The following ATP2A3 variants were observed in gnomAD, a reference collection of about 807,000 sequenced individuals.
The protein encoded by ATP2A3 is sarcoplasmic/endoplasmic reticulum calcium ATPase 3.
ATP2A3 carries 61 observed loss-of-function variants against 106.8 expected under a neutral mutation model. The observed-to-expected ratio is 0.57, with a 90% confidence interval of 0.46 to 0.71. The LOEUF (loss-of-function observed/expected upper bound fraction) is 0.71. Ranked by LOEUF, ATP2A3 falls within the 30% of genes least tolerant of loss-of-function variation. The pLI, the probability that ATP2A3 is intolerant of heterozygous loss-of-function variation, is 0.00. For synonymous variants in ATP2A3, 611 were observed against 609.3 expected (o/e 1.00, Z -0.04); for missense variants, 1,201 against 1,423.5 (o/e 0.84, Z 2.52).
In ATP2A3 at chr17:3,937,457, G is replaced by A; in HGVS notation, c.2280C>T (p.Phe760=). The A allele has an allele frequency of 6.2e-6, 10 of 1,612,910 alleles. No individual in the cohort carries two copies. Among genetic ancestry groups the A allele is most frequent in the Non-Finnish European group, 6.8e-6 (8 of 1,179,154 alleles). Residue 760 remains phenylalanine, a synonymous_variant, in exon 15 of 21, where the codon TTC becomes TTT. Transcript: ENST00000397041. ...CATTGGAGGAGATGAGGTAGCGGATGAATTGCTTCATGTTGCTGTAGATGG... is the reference window on the plus strand; with the variant it reads ...CATTGGAGGAGATGAGGTAGCGGATAAATTGCTTCATGTTGCTGTAGATGG... The part of the protein sequence containing the change: ...GRAIYSNMKQ[F]IRYLISSNVG...
chr17:3,935,272 C>A lies in ATP2A3; in HGVS notation c.2530G>T (p.Val844Leu). ...GCGGCAGCCACTGTGGCCAGGCCTA[C>A]GTACACTGCGGGGAAGGGAGGAGAC... ...FFRYLAIGVY[V>L]GLATVAAATW... Residue 844 changes from valine to leucine, a missense_variant, in exon 17 of 21, where the codon GTA becomes TTA. Val to Leu is a conservative substitution (Grantham distance 32). Around this residue, in one of 2 missense-constraint regions of ATP2A3, gnomAD observed 935 missense variants for 1,176.7 expected, o/e 0.79. Transcript: ENST00000397041. 6.2e-7 allele frequency: 1 copy of A among 1,613,568 alleles called. No individual in the cohort carries two copies. The highest frequency in any genetic ancestry group is 8.5e-7 in the Non-Finnish European group (1 of 1,179,950).
rs950473690 is a variant in ATP2A3 at position 3,953,576 on chromosome 17, G to A, written c.136+117C>T. The A allele has an allele frequency of 1.3e-6, 2 of 1,499,382 alleles. No individual in the cohort carries two copies. The highest frequency in any genetic ancestry group is 9.1e-7 in the Non-Finnish European group (1 of 1,096,968). 92.9% of individuals were successfully genotyped at this position (1,499,382 alleles called of 1,614,324 possible). ...AGGTCGCTGAGAGGCTCAGGTGGGT[G>A]ATCCTGGGGAGCTCAGCAAGGCCTC... On this transcript the variant is annotated intron_variant, in intron 2 of 20. Coordinates refer to ENST00000397041, the MANE Select transcript of ATP2A3 (RefSeq NM_005173.4). This position sits in a 1 kb window ranked among gnomAD's most constrained non-coding sequence, Gnocchi z 5.1.
rs200098007 is a variant in ATP2A3, at chr17:3,930,465, G to A, written c.2611-31C>T. On this transcript the variant is annotated intron_variant, in intron 17 of 20. Transcript: ENST00000397041. The surrounding 1 kb of genome is among the most constrained non-coding windows in gnomAD (Gnocchi z 5.4). ...GGCACCGTGGCAGGTCAGAGAGAGCGGCAGGTCAGGCGAGGGGCTGGTGGG... is the reference window on the plus strand; with the variant it reads ...GGCACCGTGGCAGGTCAGAGAGAGCAGCAGGTCAGGCGAGGGGCTGGTGGG... The A allele has an allele frequency of 1.0e-4, 161 of 1,612,358 alleles. 3 individuals carry two copies. In the East Asian group the frequency reaches 2.7e-3, roughly 27 times the overall value.
rs993375825 is a variant in ATP2A3, at chr17:3,936,618, G to C, written c.2322-149C>G. On this transcript the variant is annotated intron_variant, in intron 15 of 20. Transcript: ENST00000397041. This position sits in a 1 kb window ranked among gnomAD's most constrained non-coding sequence, Gnocchi z 5.4. ...CCCTCCGCCAGCTGTGATGTGAAGG[G>C]TGTGTGTACACAGCTCTGCCTCGGG... The C allele has an allele frequency of 4.2e-5, 35 of 837,384 alleles. No individual in the cohort carries two copies. Among genetic ancestry groups the C allele is most frequent in the Non-Finnish European group, 6.7e-5 (34 of 506,674 alleles). 51.9% of individuals were successfully genotyped at this position (837,384 alleles called of 1,614,324 possible). A position where few individuals can be genotyped will look rare whatever the true frequency, so the allele number is the denominator to read the frequency against.
intron 1 of ATP2A3, among the ~76,000 whole-genome samples, chr17:3,958,080 C>T (rs1047064986): frequency 6.6e-6 from 1 of 152,204 alleles, no homozygotes; most frequent in Non-Finnish European, 1.5e-5. Context: ...TGGCTTAGAG[C>T]AAGGAATCTG....
chr17:3,962,079 A>G (rs1483797725), intron 1 of ATP2A3, among the ~76,000 whole-genome samples: 2 of 152,170 alleles, frequency 1.3e-5, no homozygotes, highest in Non-Finnish European at 2.9e-5. Context: ...GATCTGAGAG[A>G]AGAGCCCTCT....
chr17:3,937,757 G>T, intron 14 of ATP2A3, 121 bp from the exon 15 acceptor site: 3 of 1,022,628 alleles, frequency 2.9e-6, no homozygotes, highest in South Asian at 1.4e-5. Flanking sequence ...CAGTTAGACA[G>T]AACAAATGGT....
chr17:3,934,155 C>T lies in ATP2A3; in HGVS notation c.2610+1037G>A, dbSNP rs528481513. On this transcript the variant is annotated intron_variant, in intron 17 of 20. Transcript: ENST00000397041. The stretch of plus-strand genomic sequence containing the variant: ...GTCAGGCTGGTCTTGAACTCCTGAC[C>T]TCAAGTGATCCGCCCACCTCGGCTT... Among the ~76,000 whole-genome samples, 3 of 152,158 alleles carry T rather than the reference C, an allele frequency of 2.0e-5. No individual in the cohort carries two copies. In the East Asian group the frequency reaches 5.8e-4, roughly 29 times the overall value.
At chr17:3,944,529 C>A (rs999188694) in intron 10 of ATP2A3, among the ~76,000 whole-genome samples, 175 bp downstream of exon 10, 4 of 152,202 alleles carry the variant, frequency 2.6e-5, no homozygotes, top group African/African-American at 9.6e-5. Context: ...GGTTCTGAAG[C>A]CTGTCTGCGG....
intron 1 of ATP2A3, among the ~76,000 whole-genome samples, chr17:3,963,612 C>A (rs1214562422): frequency 6.6e-6 from 1 of 152,146 alleles, no homozygotes; most frequent in East Asian, 1.9e-4. Context: ...AGTTCAAAGC[C>A]CCCACCGACT....
rs2052838216 is a variant in ATP2A3, at chr17:3,928,392, G to A, written c.2980+271C>T. 2.0e-6 allele frequency: 3 copies of A among 1,485,974 alleles called. No individual in the cohort carries two copies. The highest frequency in any genetic ancestry group is 2.1e-4 in the Middle Eastern group (1 of 4,792). 92.0% of individuals were successfully genotyped at this position (1,485,974 alleles called of 1,614,324 possible). A position where few individuals can be genotyped will look rare whatever the true frequency, so the allele number is the denominator to read the frequency against. ...ACACAGTGCCCTGGCCATGTAGGGG[G>A]TGGCAGGTGAAGACAGTGAGGCAGT... is the stretch of plus-strand genomic sequence containing the variant. On this transcript the variant is annotated intron_variant, in intron 20 of 20. Transcript: ENST00000397041. The surrounding 1 kb of genome is among the most constrained non-coding windows in gnomAD (Gnocchi z 6.1).
rs906567127 is a variant in ATP2A3 at position 3,926,052 on chromosome 17, C to T, written c.2981-611G>A. 1.3e-5 allele frequency among the ~76,000 whole-genome samples: 2 copies of T among 151,944 alleles called. No individual in the cohort carries two copies. Among genetic ancestry groups the T allele is most frequent in the Non-Finnish European group, 2.9e-5 (2 of 67,986 alleles). ...TACAACCACCACAGCCCAGCCCCCA[C>T]GCCTCCCCTGACAACTGCTCAGCCA... On this transcript the variant is annotated intron_variant, in intron 20 of 20. Coordinates refer to ENST00000397041, the MANE Select transcript of ATP2A3 (RefSeq NM_005173.4). The surrounding 1 kb of genome is among the most constrained non-coding windows in gnomAD (Gnocchi z 4.6).
Position 3,929,417 on chromosome 17 carries a change from T to G in ATP2A3, c.2773A>C (p.Met925Leu). 6.3e-7 allele frequency: 1 copy of G among 1,592,876 alleles called. No homozygotes were observed. The highest frequency in any genetic ancestry group is 1.1e-5 in the South Asian group (1 of 87,822). The change falls in exon 19 of 21, where the codon ATG (methionine) becomes CTG (leucine). Residue 925 changes from methionine to leucine, a missense_variant. Coordinates refer to ENST00000397041, the MANE Select transcript of ATP2A3 (RefSeq NM_005173.4). The surrounding 1 kb of genome is among the most constrained non-coding windows in gnomAD (Gnocchi z 4.3). ...AGCCAGGGGTTCATCCAGGGCGGCA[T>G]CCGCAGCAGCGACTGGTTCTCCGAG... The part of the protein sequence containing the change: ...SVSENQSLLR[M>L]PPWMNPWLLV...
In ATP2A3 at chr17:3,941,072, G is replaced by A. The variant is rs1370140549; in HGVS notation, c.1999C>T (p.Arg667Cys). 5 of 1,613,458 alleles carry A rather than the reference G, an allele frequency of 3.1e-6. No individual in the cohort carries two copies. Among genetic ancestry groups the A allele is most frequent in the East Asian group, 2.2e-5 (1 of 44,870 alleles). The change falls in exon 14 of 21, where the codon CGC becomes TGC. Residue 667 changes from arginine to cysteine, a missense_variant. Coordinates refer to ENST00000397041, the MANE Select transcript of ATP2A3 (RefSeq NM_005173.4). ...EFDDLSPEQQ[R>C]QACRTARCFA... ...CAGCGGGCGGTGCGGCAGGCCTGGC[G>A]CTGCTGCTCGGGGCTGAGGTCATCA... is the stretch of plus-strand genomic sequence containing the variant.
chr17:3,958,887 C>CACAT (rs1354215003), intron 1 of ATP2A3, among the ~76,000 whole-genome samples: 1 of 99,896 alleles, frequency 1.0e-5, no homozygotes, highest in Non-Finnish European at 2.0e-5. Flanking sequence ...CACACACACA[C>CACAT]ATATATATAT....
rs111934598 is a variant in ATP2A3, at chr17:3,960,937, G to A, written c.118+3237C>T. On this transcript the variant is annotated intron_variant, in intron 1 of 20. Transcript: ENST00000397041. ...CTGCAATACTGCGTGTCATAGCAGA[G>A]GCTGCCAACAACACAAGCGTCCACC... Among the ~76,000 whole-genome samples the A allele has an allele frequency of 8.3e-4, 127 of 152,356 alleles. 1 individual carries two copies. Among genetic ancestry groups the A allele is most frequent in the African/African-American group, 2.9e-3 (121 of 41,590 alleles).
rs926175093 is a variant in ATP2A3, at chr17:3,942,882, C to T, written c.1420-151G>A. 1.5e-5 allele frequency: 18 copies of T among 1,208,824 alleles called. No individual in the cohort carries two copies. In the Admixed American group the frequency reaches 3.2e-4, roughly 21 times the overall value. 74.9% of individuals were successfully genotyped at this position (1,208,824 alleles called of 1,614,324 possible). ...CCCCACCATTCAAGGCCTCCATTTC[C>T]CTCTCCAGCCCCAGAAATGGCAATA... On this transcript the variant is annotated intron_variant, in intron 11 of 20. Transcript: ENST00000397041.
At position 3,930,371 on chromosome 17, in the gene ATP2A3, C is replaced by T. The variant is rs141235119; in HGVS notation, c.2674G>A (p.Glu892Lys). Residue 892 changes from glutamate (E) to lysine (K), a missense_variant, in exon 18 of 21, where the codon GAG becomes AAG. Physicochemically the swap from Glu to Lys is moderately conservative, Grantham distance 56. Around this residue, in one of 2 missense-constraint regions of ATP2A3, gnomAD observed 935 missense variants for 1,176.7 expected, o/e 0.79. Coordinates refer to ENST00000397041, the MANE Select transcript of ATP2A3 (RefSeq NM_005173.4). The surrounding 1 kb of genome is among the most constrained non-coding windows in gnomAD (Gnocchi z 5.4). ...LFAGIDCEVF[E>K]SRFPTTMALS... ...GCCATGGTGGTGGGGAAGCGTGACTCGAACACCTCACAGTCGATGCCGGCA... is the reference window on the plus strand; with the variant it reads ...GCCATGGTGGTGGGGAAGCGTGACTTGAACACCTCACAGTCGATGCCGGCA... The T allele has an allele frequency of 4.1e-3, 6,692 of 1,613,738 alleles. 30 individuals are homozygous for T. Among genetic ancestry groups the T allele is most frequent in the Non-Finnish European group, 5.0e-3 (5,922 of 1,179,880 alleles).
At chr17:3,934,246 C>G (rs2053294394) in intron 17 of ATP2A3, among the ~76,000 whole-genome samples, 1 of 151,676 alleles carries the variant, frequency 6.6e-6, no homozygotes, top group East Asian at 2.0e-4. Flanking sequence ...TTTCTAGAGA[C>G]AGGGTCTTAC....
Sources: allele counts gnomAD v4.1 joint callset (sites outside exome capture counted in the v4.1 genomes callset), GRCh38; gene constraint gnomAD v4.1.1; regional missense constraint gnomAD v4.1.1; non-coding constraint Gnocchi (gnomAD v3.1); transcripts MANE v1.5; gene names NCBI Gene and HGNC (gene_info 2026-07-23, HGNC 2026-07-21).